SGMS1: variants seen among roughly 807,000 people sequenced by gnomAD.
The protein encoded by SGMS1 is sphingomyelin synthase 1.
A neutral mutation model predicts 46.2 loss-of-function variants in SGMS1; 13 were observed. That is an observed-to-expected ratio of 0.28 (90% CI 0.18 to 0.45). The LOEUF (loss-of-function observed/expected upper bound fraction) is 0.45. Among genes scored for constraint, SGMS1 ranks in the 20% least tolerant of loss-of-function variants. The probability of loss-of-function intolerance (pLI) is 1.00; values close to 1 mark genes in which losing one functional copy is unlikely to be tolerated. For missense variants in SGMS1, 324 were observed against 519.9 expected (o/e 0.62, Z 3.66); for synonymous variants, 203 against 187.8 (o/e 1.08, Z -0.66).
intron 2 of SGMS1, among the ~76,000 whole-genome samples, chr10:50,549,354 C>T (rs528931400): frequency 1.2e-4 from 19 of 152,224 alleles, no homozygotes; most frequent in East Asian, 1.9e-4. Context: ...TGGAATACTA[C>T]GAAGCCATAA....
chr10:50,321,490 A>G (rs10825729), intron 8 of SGMS1, among the ~76,000 whole-genome samples: 36,911 of 152,156 alleles, frequency 0.24, 4,537 homozygotes, highest in East Asian at 0.31. Flanking sequence ...GAGAAAAGGA[A>G]AAGCAAAGAA....
At chr10:50,482,001 T>G (rs1837481554) in intron 3 of SGMS1, among the ~76,000 whole-genome samples, 2 of 152,044 alleles carry the variant, frequency 1.3e-5, no homozygotes, top group African/African-American at 4.8e-5. Flanking sequence ...GAACAAAACC[T>G]TAGAGAACTA....
intron 6 of SGMS1, among the ~76,000 whole-genome samples, chr10:50,421,721 G>A (rs972364144): frequency 1.3e-5 from 2 of 152,116 alleles, no homozygotes; most frequent in Non-Finnish European, 2.9e-5. Flanking sequence ...GTGCTCCCTG[G>A]CCTATGTAGT....
intron 6 of SGMS1, among the ~76,000 whole-genome samples, chr10:50,377,267 G>A (rs1257152169): frequency 1.3e-5 from 2 of 152,126 alleles, no homozygotes; most frequent in Admixed American, 6.5e-5. Context: ...GAGCCAAACT[G>A]GCTTTTATAA....
At chr10:50,331,087 C>A (rs10825754) in intron 7 of SGMS1, among the ~76,000 whole-genome samples, 23,525 of 152,096 alleles carry the variant, frequency 0.15, 2,223 homozygotes, top group Admixed American at 0.22. Context: ...TCATATTTTT[C>A]TTAATATATA....
intron 6 of SGMS1, among the ~76,000 whole-genome samples, chr10:50,363,851 GA>G (rs549690102): frequency 6.6e-6 from 1 of 151,324 alleles, no homozygotes; most frequent in African/African-American, 2.4e-5. Context: ...TTTAAAATAT[GA>G]AAAAAAATCA....
intron 6 of SGMS1, among the ~76,000 whole-genome samples, chr10:50,417,139 G>C (rs548867130): frequency 6.6e-6 from 1 of 152,248 alleles, no homozygotes; most frequent in Admixed American, 6.5e-5. Flanking sequence ...GTTGCATTGT[G>C]TATATCCTCA....
At chr10:50,359,575 T>C (rs991319631) in intron 6 of SGMS1, among the ~76,000 whole-genome samples, 1 of 151,998 alleles carries the variant, frequency 6.6e-6, no homozygotes, top group African/African-American at 2.4e-5. Context: ...ACCAGCAACA[T>C]CAGCTAATTC....
intron 2 of SGMS1, among the ~76,000 whole-genome samples, chr10:50,548,517 A>T (rs1452608372): frequency 6.6e-6 from 1 of 152,198 alleles, no homozygotes; most frequent in Non-Finnish European, 1.5e-5. Context: ...TATGCAGAAA[A>T]CTGAAACTGG....
At chr10:50,513,348 T>C (rs1315715173) in intron 3 of SGMS1, among the ~76,000 whole-genome samples, 1 of 152,170 alleles carries the variant, frequency 6.6e-6, no homozygotes, top group East Asian at 1.9e-4. Flanking sequence ...CACCAGACAC[T>C]GGTGCAGCCC....
intron 1 of SGMS1, among the ~76,000 whole-genome samples, chr10:50,619,747 A>T (rs1034330308): frequency 6.6e-6 from 1 of 152,210 alleles, no homozygotes; most frequent in Admixed American, 6.5e-5. Context: ...GTGGCTTTAC[A>T]TCATTAAGGG....
chr10:50,601,451 C>T (rs1838649237), intron 1 of SGMS1, among the ~76,000 whole-genome samples: 1 of 152,222 alleles, frequency 6.6e-6, no homozygotes, highest in South Asian at 2.1e-4. Context: ...TTTCCATAGA[C>T]AAGAGGACCA....
chr10:50,472,109 T>C (rs1326896231), intron 3 of SGMS1, among the ~76,000 whole-genome samples: 2 of 152,154 alleles, frequency 1.3e-5, no homozygotes, highest in Non-Finnish European at 2.9e-5. Context: ...CAGATAATTG[T>C]ATATATTTAT....
At chr10:50,446,124 C>A (rs1837010009) in intron 5 of SGMS1, among the ~76,000 whole-genome samples, 1 of 152,054 alleles carries the variant, frequency 6.6e-6, no homozygotes, top group Non-Finnish European at 1.5e-5. Context: ...ACAATGCGTG[C>A]CCGAAACTTC....
chr10:50,533,369 C>CT (rs1837972386), intron 2 of SGMS1, among the ~76,000 whole-genome samples: 1 of 151,920 alleles, frequency 6.6e-6, no homozygotes, highest in Admixed American at 6.6e-5. Flanking sequence ...ATGAATTTTT[C>CT]TTTTTTGACT....
chr10:50,624,926 A>G (rs1348178592), upstream of SGMS1: 3 of 1,014,012 alleles, frequency 3.0e-6, no homozygotes, highest in Non-Finnish European at 3.6e-6. Context: ...GTACCACGTG[A>G]CTGTCCGCGG....
intron 6 of SGMS1, among the ~76,000 whole-genome samples, chr10:50,394,020 A>G (rs1004653069): frequency 1.3e-5 from 2 of 152,196 alleles, no homozygotes; most frequent in African/African-American, 4.8e-5. Context: ...AGATACCACA[A>G]AAGGAGTGGA....
chr10:50,407,738 T>C (rs1283277786), intron 6 of SGMS1, among the ~76,000 whole-genome samples: 2 of 151,940 alleles, frequency 1.3e-5, no homozygotes, highest in African/African-American at 4.8e-5. Context: ...TTGAAAGCCA[T>C]CATGTACTTC....
intron 1 of SGMS1, among the ~76,000 whole-genome samples, chr10:50,594,536 T>C (rs544288945): frequency 1.1e-3 from 161 of 152,356 alleles, no homozygotes; most frequent in African/African-American, 3.6e-3. Context: ...TTTTTACCTA[T>C]AAAATTGTTA....
Sources: allele counts gnomAD v4.1 joint callset (sites outside exome capture counted in the v4.1 genomes callset), GRCh38; gene constraint gnomAD v4.1.1; transcripts MANE v1.5; gene names NCBI Gene and HGNC (gene_info 2026-07-23, HGNC 2026-07-21).